Variants in ANKRD44 observed in about 807,000 individuals in gnomAD.
ANKRD44 encodes serine/threonine-protein phosphatase 6 regulatory ankyrin repeat subunit B.
In ANKRD44, 35 loss-of-function variants were observed where a neutral mutation model predicts 116.0. The observed-to-expected ratio is 0.30, with a 90% CI of 0.23 to 0.40. ANKRD44 has a LOEUF of 0.40. ANKRD44 is among the 10% of genes least tolerant of loss of function. ANKRD44 has a pLI of 1.00. For missense variants in ANKRD44, 1,014 were observed against 1,242.6 expected (o/e 0.82, Z 2.77); for synonymous variants, 435 against 461.8 (o/e 0.94, Z 0.74).
chr2:197,001,895 C>G (rs1401589523), intron 21 of ANKRD44, 55 bp from the exon 22 acceptor site: 4 of 1,354,704 alleles, frequency 3.0e-6, no homozygotes, highest in Non-Finnish European at 4.2e-6. Flanking sequence ...TTTGTTCAAC[C>G]CAATCTGCTT....
Position 197,000,478 on chromosome 2 carries a change from T to C in ANKRD44, c.2460A>G (p.Ala820=), listed in dbSNP as rs764302544. 1.2e-6 allele frequency: 2 copies of C among 1,614,134 alleles called. No homozygotes were observed. Among genetic ancestry groups the C allele is most frequent in the Non-Finnish European group, 1.7e-6 (2 of 1,179,980 alleles). Reference sequence around the variant, plus strand: ...AATCTATGGCCCCAAGCAGCAATGATGCACAATTCCCATGATCATTGATTC... The same window carrying C: ...AATCTATGGCCCCAAGCAGCAATGACGCACAATTCCCATGATCATTGATTC... ...CAIINDHGNC[A]SLLLGAIDSS... The change falls in exon 23 of 28, where the codon GCA becomes GCG. Residue 820 remains alanine, a synonymous_variant. Transcript: ENST00000282272.
At chr2:197,218,751 CTTTTTTTTTTTTT>C (rs138330364) in intron 1 of ANKRD44, among the ~76,000 whole-genome samples, 74 of 52,350 alleles carry the variant, frequency 1.4e-3, no homozygotes, top group Non-Finnish European at 3.5e-4. Context: ...GGTAAAGTCC[CTTTTTTTTTTTTT>C]TTTTTTTTTT....
chr2:197,221,807 C>T (rs1006299228), intron 1 of ANKRD44, among the ~76,000 whole-genome samples: 6 of 152,166 alleles, frequency 3.9e-5, no homozygotes, highest in East Asian at 1.9e-4. Flanking sequence ...AAATTACATT[C>T]GATCAGCCAA....
At chr2:197,100,421 C>T (rs1056309142) in intron 9 of ANKRD44, among the ~76,000 whole-genome samples, 16 of 151,714 alleles carry the variant, frequency 1.1e-4, no homozygotes, top group African/African-American at 3.6e-4. Context: ...GGCGACAGAG[C>T]GAGACTCCGT....
At chr2:197,247,422 C>A (rs1239464171) in intron 1 of ANKRD44, among the ~76,000 whole-genome samples, 1 of 152,090 alleles carries the variant, frequency 6.6e-6, no homozygotes, top group Non-Finnish European at 1.5e-5. Context: ...CCTTTTGTTC[C>A]CTGAAAGAAA....
At chr2:197,107,180 A>T (rs1248900815) in intron 9 of ANKRD44, among the ~76,000 whole-genome samples, 1 of 152,230 alleles carries the variant, frequency 6.6e-6, no homozygotes, top group African/African-American at 2.4e-5. Context: ...AACAAGAATG[A>T]TCAGCTTATT....
chr2:197,081,585 C>T (rs1237709941), intron 15 of ANKRD44, 60 bp downstream of exon 15: 21 of 1,504,148 alleles, frequency 1.4e-5, no homozygotes, highest in Non-Finnish European at 1.8e-5. Flanking sequence ...CGTGGCAACT[C>T]AGAAAAGCAG....
intron 6 of ANKRD44, among the ~76,000 whole-genome samples, chr2:197,124,184 T>A (rs1361862600): frequency 6.6e-6 from 1 of 152,124 alleles, no homozygotes; most frequent in East Asian, 1.9e-4. Flanking sequence ...TAAATGCTAA[T>A]GCTTGTAAAA....
At chr2:197,023,511 G>A (rs144809393) in intron 17 of ANKRD44, among the ~76,000 whole-genome samples, 8 of 151,870 alleles carry the variant, frequency 5.3e-5, no homozygotes, top group South Asian at 2.1e-4. Flanking sequence ...CTATCTTTAC[G>A]CAGCCAGCAA....
At chr2:197,186,835 A>G (rs1468505556) in intron 2 of ANKRD44, among the ~76,000 whole-genome samples, 188 bp downstream of exon 2, 2 of 151,916 alleles carry the variant, frequency 1.3e-5, no homozygotes, top group Non-Finnish European at 2.9e-5. Context: ...GGGTAACTGT[A>G]TCTCAATAAC....
At chr2:197,080,200 A>C (rs1264109686) in intron 15 of ANKRD44, among the ~76,000 whole-genome samples, 1 of 152,236 alleles carries the variant, frequency 6.6e-6, no homozygotes, top group Non-Finnish European at 1.5e-5. Flanking sequence ...TTGAATTTGT[A>C]ATATAGCCAA....
At chr2:196,968,659 C>T (rs918737836) in intron 21 of ANKRD44, among the ~76,000 whole-genome samples, 2 of 152,196 alleles carry the variant, frequency 1.3e-5, no homozygotes, top group South Asian at 4.1e-4. Context: ...GAACATACCT[C>T]ATTTATCTGG....
intron 1 of ANKRD44, among the ~76,000 whole-genome samples, chr2:197,196,545 A>G (rs1163177003): frequency 6.6e-6 from 1 of 152,234 alleles, no homozygotes; most frequent in East Asian, 1.9e-4. Context: ...AAAGCAATTC[A>G]AGTGTCCTTT....
intron 5 of ANKRD44, 36 bp downstream of exon 5, chr2:197,125,801 G>A (rs1179404880): frequency 1.2e-6 from 2 of 1,603,950 alleles, no homozygotes; most frequent in African/African-American, 1.3e-5. Context: ...AAGTCCTGGA[G>A]GGAGCGTTCC....
intron 1 of ANKRD44, among the ~76,000 whole-genome samples, chr2:197,230,931 T>C (rs2081845590): frequency 6.6e-6 from 1 of 152,172 alleles, no homozygotes; most frequent in Admixed American, 6.5e-5. Context: ...CCTGCCTATA[T>C]TCCATTGGCC....
intron 2 of ANKRD44, among the ~76,000 whole-genome samples, chr2:197,181,900 T>C (rs2080515578): frequency 6.6e-6 from 1 of 152,230 alleles, no homozygotes; most frequent in African/African-American, 2.4e-5. Flanking sequence ...GGCCATTCTC[T>C]TGTCCTCTCC....
At chr2:197,109,198 G>T (rs1297794435) in intron 9 of ANKRD44, among the ~76,000 whole-genome samples, 4 of 152,186 alleles carry the variant, frequency 2.6e-5, no homozygotes, top group African/African-American at 9.7e-5. Context: ...GTTTTTAAAG[G>T]GGGGTGGACA....
At chr2:197,225,753 T>C (rs906807502) in intron 1 of ANKRD44, among the ~76,000 whole-genome samples, 2 of 152,208 alleles carry the variant, frequency 1.3e-5, no homozygotes, top group Non-Finnish European at 2.9e-5. Context: ...GAAACAGACC[T>C]AATAATTTGG....
chr2:196,997,169 C>T (rs1005680617), intron 25 of ANKRD44, among the ~76,000 whole-genome samples: 2 of 151,352 alleles, frequency 1.3e-5, no homozygotes, highest in African/African-American at 4.8e-5. Flanking sequence ...CCAAAAAATC[C>T]TAAATCTGAA....
Sources: gnomAD v4.1 joint callset for allele counts (sites outside exome capture counted in the v4.1 genomes callset) on GRCh38, gnomAD v4.1.1 for gene constraint, MANE v1.5 for transcripts, NCBI Gene and HGNC (gene_info 2026-07-23, HGNC 2026-07-21) for gene names.